Variants in KCNIP4 observed in about 807,000 individuals in gnomAD.
The protein encoded by KCNIP4 is Kv channel-interacting protein 4.
KCNIP4 carries 12 observed loss-of-function variants against 34.0 expected under a neutral mutation model. That is an observed-to-expected ratio of 0.35 (90% CI 0.23 to 0.57). The LOEUF is 0.57. KCNIP4 is among the 20% of genes least tolerant of loss of function. The probability of loss-of-function intolerance (pLI) is 0.83; values close to 1 mark genes in which losing one functional copy is unlikely to be tolerated. For missense variants in KCNIP4, 238 were observed against 311.7 expected (o/e 0.76, Z 1.78); for synonymous variants, 124 against 102.2 (o/e 1.21, Z -1.29).
intron 1 of KCNIP4, among the ~76,000 whole-genome samples, chr4:21,330,655 A>G (rs959701132): frequency 1.3e-5 from 2 of 152,194 alleles, no homozygotes; most frequent in Non-Finnish European, 2.9e-5. Context: ...ATTCCGCATG[A>G]ATGGTTTTCA....
At chr4:20,973,226 C>A (rs1266941612) in intron 1 of KCNIP4, among the ~76,000 whole-genome samples, 5 of 152,192 alleles carry the variant, frequency 3.3e-5, no homozygotes, top group Non-Finnish European at 7.4e-5. Context: ...TTTAGCTAGA[C>A]CTTCTAGGTA....
intron 1 of KCNIP4, among the ~76,000 whole-genome samples, chr4:21,056,786 TATGC>T (rs1011029039): frequency 6.6e-6 from 1 of 152,140 alleles, no homozygotes; most frequent in Admixed American, 6.6e-5. Context: ...TCAAAATTTA[TATGC>T]AGAAGCCCTA....
At chr4:21,258,628 T>A (rs1761239861) in intron 1 of KCNIP4, among the ~76,000 whole-genome samples, 1 of 152,166 alleles carries the variant, frequency 6.6e-6, no homozygotes, top group Non-Finnish European at 1.5e-5. Context: ...CTTGTGCATT[T>A]GAAAACAGAG....
At chr4:21,475,724 T>C (rs187578735) in intron 1 of KCNIP4, among the ~76,000 whole-genome samples, 17 of 152,300 alleles carry the variant, frequency 1.1e-4, no homozygotes, top group Admixed American at 4.6e-4. Flanking sequence ...AGATGAAAGC[T>C]TTGTGAAACT....
chr4:21,488,150 C>T (rs139583846), intron 1 of KCNIP4, among the ~76,000 whole-genome samples: 1 of 152,176 alleles, frequency 6.6e-6, no homozygotes, highest in Non-Finnish European at 1.5e-5. Flanking sequence ...TCTATATGTA[C>T]TTATCTGTAC....
At position 20,976,869 on chromosome 4, in the gene KCNIP4, T is replaced by C. The variant is rs184307235; in HGVS notation, c.62-94160A>G. Among the ~76,000 whole-genome samples, 50 of 152,242 alleles carry C rather than the reference T, an allele frequency of 3.3e-4. No homozygotes were observed. In the Middle Eastern group the frequency reaches 0.014, roughly 41 times the overall value. The stretch of plus-strand genomic sequence containing the variant: ...TTTTTTTGAGATGGAGTTTTGCTCT[T>C]GTTGCCCAGGCTGGAGTGCAGTGGT... On this transcript the variant is annotated intron_variant, in intron 1 of 8. Coordinates refer to ENST00000382152, the MANE Select transcript of KCNIP4 (RefSeq NM_025221.6).
At position 21,820,283 on chromosome 4, in the gene KCNIP4, G is replaced by GTATA. The variant is rs1288802050; in HGVS notation, c.61+128287_61+128288insTATA. Among the ~76,000 whole-genome samples, 787 of 127,076 alleles carry GTATA rather than the reference G, an allele frequency of 6.2e-3. 4 individuals are homozygous for GTATA. The highest frequency in any genetic ancestry group is 0.016 in the African/African-American group (469 of 29,206). The allele number at this position is 127,076 out of a possible 152,430, so 83.4% of individuals were successfully genotyped here. On this transcript the variant is annotated intron_variant, in intron 1 of 8. Coordinates refer to ENST00000382152, the MANE Select transcript of KCNIP4 (RefSeq NM_025221.6). ...ATGTATATCTTATGTATGTGTGTGT[G>GTATA]TGTATATATATATATATATATATAT... is the stretch of plus-strand genomic sequence containing the variant.
chr4:20,744,860 A>T (rs888707992), intron 5 of KCNIP4, among the ~76,000 whole-genome samples: 60 of 152,254 alleles, frequency 3.9e-4, no homozygotes, highest in African/African-American at 1.4e-3. Context: ...TAGGTCCCAA[A>T]TTTCCATTTG....
chr4:20,850,573 C>T lies in KCNIP4; in HGVS notation c.258G>A (p.Glu86=). 3.1e-6 allele frequency: 5 copies of T among 1,612,942 alleles called. No individual in the cohort carries two copies. The highest frequency in any genetic ancestry group is 4.2e-6 in the Non-Finnish European group (5 of 1,179,732). Residue 86 remains glutamate (E), a synonymous_variant, in exon 3 of 9, where the codon GAG becomes GAA. Coordinates refer to ENST00000382152, the MANE Select transcript of KCNIP4 (RefSeq NM_025221.6). ...LEAQSKFTKK[E]LQILYRGFKN... ...TAAATCCTCTGTAAAGGATCTGAAG[C>T]TCTTTCTTGGTAAATTTGCTCTGGG...
chr4:21,199,322 A>G (rs1007573742), intron 1 of KCNIP4, among the ~76,000 whole-genome samples: 1 of 152,210 alleles, frequency 6.6e-6, no homozygotes, highest in Non-Finnish European at 1.5e-5. Context: ...TCTGATGGCC[A>G]GTGATGATGA....
chr4:21,118,923 T>C (rs1749911444), intron 1 of KCNIP4, among the ~76,000 whole-genome samples: 1 of 152,134 alleles, frequency 6.6e-6, no homozygotes, highest in Non-Finnish European at 1.5e-5. Context: ...CCTCAACCTC[T>C]AAAGAGGAAT....
At chr4:21,417,965 A>T (rs565192553) in intron 1 of KCNIP4, among the ~76,000 whole-genome samples, 1 of 152,150 alleles carries the variant, frequency 6.6e-6, no homozygotes, top group Non-Finnish European at 1.5e-5. Flanking sequence ...CAGAAGCAAG[A>T]TCCAATGCTC....
chr4:20,770,083 C>T (rs915517616), intron 3 of KCNIP4, among the ~76,000 whole-genome samples: 1 of 152,110 alleles, frequency 6.6e-6, no homozygotes, highest in Non-Finnish European at 1.5e-5. Flanking sequence ...ATTTAGATAT[C>T]TATTAATACC....
chr4:21,048,280 G>C (rs1742609961), intron 1 of KCNIP4, among the ~76,000 whole-genome samples: 1 of 152,068 alleles, frequency 6.6e-6, no homozygotes, highest in Non-Finnish European at 1.5e-5. Context: ...TCCTTGCTGT[G>C]TGATCTGGAA....
chr4:20,986,659 C>T (rs1736604956), intron 1 of KCNIP4, among the ~76,000 whole-genome samples: 2 of 152,158 alleles, frequency 1.3e-5, no homozygotes, highest in Non-Finnish European at 2.9e-5. Flanking sequence ...TCACGCTTTT[C>T]CCTTTATTTC....
At chr4:21,578,690 T>A (rs1339378658) in intron 1 of KCNIP4, among the ~76,000 whole-genome samples, 2 of 152,072 alleles carry the variant, frequency 1.3e-5, no homozygotes, top group Non-Finnish European at 2.9e-5. Flanking sequence ...CCAGTTCGAG[T>A]ATAATGCTAG....
chr4:21,100,064 T>C (rs981070515), intron 1 of KCNIP4, among the ~76,000 whole-genome samples: 10 of 152,318 alleles, frequency 6.6e-5, no homozygotes, highest in East Asian at 1.9e-4. Flanking sequence ...GCAGCAAACA[T>C]TGTTGAAGTG....
intron 1 of KCNIP4, among the ~76,000 whole-genome samples, chr4:21,118,138 G>A (rs1749844281): frequency 6.6e-6 from 1 of 152,114 alleles, no homozygotes; most frequent in African/African-American, 2.4e-5. Context: ...GCTGAGGTTT[G>A]TGAACCACCA....
At chr4:21,459,540 G>T (rs1045888644) in intron 1 of KCNIP4, among the ~76,000 whole-genome samples, 3 of 151,910 alleles carry the variant, frequency 2.0e-5, no homozygotes, top group Non-Finnish European at 2.9e-5. Flanking sequence ...GCTCCCAAAA[G>T]TATAGCTCCT....
Sources: gnomAD v4.1 joint callset for allele counts (sites outside exome capture counted in the v4.1 genomes callset) on GRCh38, gnomAD v4.1.1 for gene constraint, MANE v1.5 for transcripts, NCBI Gene and HGNC (gene_info 2026-07-23, HGNC 2026-07-21) for gene names.